LAMC3: variants seen among roughly 807,000 people sequenced by gnomAD.
The protein encoded by LAMC3 is laminin subunit gamma 3.
LAMC3 carries 128 observed loss-of-function variants against 173.8 expected under a neutral mutation model. The ratio of observed to expected loss-of-function variants is 0.74; its 90% CI spans 0.64 to 0.85. The LOEUF (loss-of-function observed/expected upper bound fraction) is 0.85, where lower values mean the gene tolerates loss of function less well. Among genes scored for constraint, LAMC3 ranks in the 40% least tolerant of loss-of-function variants. The pLI, the probability that LAMC3 is intolerant of heterozygous loss-of-function variation, is 0.00. For synonymous variants in LAMC3, 897 were observed against 909.1 expected (o/e 0.99, Z 0.24); for missense variants, 2,022 against 2,156.0 (o/e 0.94, Z 1.23).
At chr9:131,015,535 C>T (rs533211795) in intron 1 of LAMC3, among the ~76,000 whole-genome samples, 1 of 152,370 alleles carries the variant, frequency 6.6e-6, no homozygotes, top group South Asian at 2.1e-4. Flanking sequence ...TCGGTCTCCA[C>T]CTGAGCCCTC....
At chr9:131,066,510 T>C (rs748504978) in intron 13 of LAMC3, among the ~76,000 whole-genome samples, 13 of 151,404 alleles carry the variant, frequency 8.6e-5, no homozygotes, top group Non-Finnish European at 1.6e-4. Context: ...ATAATAATAA[T>C]AATAATATAA....
chr9:131,018,775 C>T (rs1198699376), intron 1 of LAMC3, among the ~76,000 whole-genome samples: 3 of 152,222 alleles, frequency 2.0e-5, no homozygotes, highest in Admixed American at 6.5e-5. Context: ...CCTCCCTCTC[C>T]ATGCTCCTGC....
chr9:131,010,901 T>C (rs1046177199), intron 1 of LAMC3, among the ~76,000 whole-genome samples: 1 of 152,214 alleles, frequency 6.6e-6, no homozygotes, highest in African/African-American at 2.4e-5. Context: ...CCGATTCCCA[T>C]GTCCTCTGTG....
chr9:131,049,850 C>T (rs970215035), intron 9 of LAMC3, among the ~76,000 whole-genome samples: 7 of 152,242 alleles, frequency 4.6e-5, no homozygotes, highest in Admixed American at 4.6e-4. Flanking sequence ...CTCCACCCCA[C>T]AGTGAGGGGA....
At position 131,087,631 on chromosome 9, in the gene LAMC3, G is replaced by T. The variant is rs750235725; in HGVS notation, c.4377+9G>T. On this transcript the variant is annotated intron_variant, in intron 26 of 27. Coordinates refer to ENST00000361069, the MANE Select transcript of LAMC3 (RefSeq NM_006059.4). ...TGGAGGAAGCTGAGCGGGTACGTTT[G>T]CCAGGGCCCCTACCCTATCGCCTCC... The T allele has an allele frequency of 1.9e-6, 3 of 1,613,746 alleles. No homozygotes were observed. The highest frequency in any genetic ancestry group is 1.6e-4 in the Middle Eastern group (1 of 6,084).
chr9:131,052,068 A>G (rs879296547), intron 9 of LAMC3, among the ~76,000 whole-genome samples: 5 of 152,092 alleles, frequency 3.3e-5, no homozygotes, highest in African/African-American at 1.2e-4. Context: ...CCTTGCTGTC[A>G]CCTGGAGGTC....
intron 1 of LAMC3, among the ~76,000 whole-genome samples, chr9:131,011,773 G>C (rs1042057391): frequency 5.3e-5 from 8 of 152,200 alleles, no homozygotes; most frequent in African/African-American, 1.9e-4. Flanking sequence ...GAGACACAGT[G>C]CTCCATGACA....
chr9:131,093,025 C>T lies in LAMC3; in HGVS notation c.*1238C>T, dbSNP rs992362735. The T allele has an allele frequency of 7.2e-5, 11 of 152,312 alleles. No homozygotes were observed. The highest frequency in any genetic ancestry group is 3.9e-4 in the East Asian group (2 of 5,186). The allele number at this position is 152,312 out of a possible 1,614,324, so 9.4% of individuals were successfully genotyped here. ...GTAGGGCAGCAGCACAGACCAATTC[C>T]GTTGAACGTGGAAATAAAGGACCCT... On this transcript the variant is annotated 3_prime_UTR_variant, in exon 28 of 28. Transcript: ENST00000361069.
intron 15 of LAMC3, 64 bp downstream of exon 15, chr9:131,068,295 G>A: frequency 6.5e-7 from 1 of 1,542,400 alleles, no homozygotes; most frequent in Non-Finnish European, 8.8e-7. Context: ...GCATCGGGCA[G>A]CCCCCAGGGA....
chr9:131,028,154 C>T (rs757670978), intron 2 of LAMC3, among the ~76,000 whole-genome samples: 4 of 152,180 alleles, frequency 2.6e-5, no homozygotes, highest in Non-Finnish European at 5.9e-5. Flanking sequence ...AGATCAGCTG[C>T]GGCATCAGAT....
chr9:131,069,903 G>A (rs1830011206), intron 17 of LAMC3, 53 bp downstream of exon 17: 1 of 1,524,710 alleles, frequency 6.6e-7, no homozygotes, highest in African/African-American at 1.4e-5. Context: ...TTCCCAGCAA[G>A]TGCCAGCTCT....
intron 1 of LAMC3, among the ~76,000 whole-genome samples, chr9:131,020,266 C>T (rs1269282066): frequency 1.3e-5 from 2 of 152,162 alleles, no homozygotes; most frequent in Non-Finnish European, 2.9e-5. Flanking sequence ...TTAGCCCCAT[C>T]TGGCCACCCA....
chr9:131,034,282 C>T (rs1833901743), intron 3 of LAMC3, among the ~76,000 whole-genome samples: 1 of 152,164 alleles, frequency 6.6e-6, no homozygotes, highest in Non-Finnish European at 1.5e-5. Flanking sequence ...AGGGGCAGTC[C>T]CTTGTGACTT....
At chr9:131,016,271 GT>G (rs1379197570) in intron 1 of LAMC3, among the ~76,000 whole-genome samples, 1 of 152,188 alleles carries the variant, frequency 6.6e-6, no homozygotes, top group Non-Finnish European at 1.5e-5. Context: ...GAGAGTGACT[GT>G]TTCATGGGGA....
At chr9:131,022,932 G>C (rs1051690880) in intron 1 of LAMC3, among the ~76,000 whole-genome samples, 1 of 151,684 alleles carries the variant, frequency 6.6e-6, no homozygotes, top group Admixed American at 6.6e-5. Flanking sequence ...TTTTCCCCCA[G>C]TCCCCATCCT....
At position 131,045,481 on chromosome 9, in the gene LAMC3, T is replaced by G. The variant is rs201793302; in HGVS notation, c.1383-43T>G. ...TACCCTGGCCCCGCCCCTTCCTGGC[T>G]GATTCACGTGGCCCTCGTGGGCATG... is the stretch of plus-strand genomic sequence containing the variant. On this transcript the variant is annotated intron_variant, in intron 7 of 27. Transcript: ENST00000361069. The G allele has an allele frequency of 3.5e-4, 558 of 1,611,818 alleles. 3 individuals carry two copies. Among genetic ancestry groups the G allele is most frequent in the East Asian group, 2.9e-4 (13 of 44,880 alleles).
At chr9:131,030,225 C>A (rs1833801747) in intron 2 of LAMC3, among the ~76,000 whole-genome samples, 1 of 152,166 alleles carries the variant, frequency 6.6e-6, no homozygotes, top group Non-Finnish European at 1.5e-5. Flanking sequence ...CAAGTGTGAG[C>A]CATCACACCA....
intron 7 of LAMC3, 76 bp downstream of exon 7, chr9:131,041,811 G>A (rs1393060308): frequency 7.6e-7 from 1 of 1,316,108 alleles, no homozygotes; most frequent in Non-Finnish European, 1.1e-6. Context: ...AAGCTGTGGA[G>A]TGCGGGGAGG....
intron 7 of LAMC3, among the ~76,000 whole-genome samples, chr9:131,042,097 T>A (rs937234215): frequency 6.6e-6 from 1 of 152,112 alleles, no homozygotes; most frequent in Admixed American, 6.5e-5. Flanking sequence ...ACATCGCTAA[T>A]GGAGCACTAT....
Sources: allele counts gnomAD v4.1 joint callset (sites outside exome capture counted in the v4.1 genomes callset), GRCh38; gene constraint gnomAD v4.1.1; transcripts MANE v1.5; gene names NCBI Gene and HGNC (gene_info 2026-07-23, HGNC 2026-07-21).